Variants in ARHGEF9 observed in about 807,000 individuals in gnomAD.
ARHGEF9 encodes the protein rho guanine nucleotide exchange factor 9.
Under a neutral mutation model 41.3 loss-of-function variants are expected in ARHGEF9, and 2 were observed. The observed-to-expected ratio is 0.05, with a 90% CI of 0.02 to 0.15. The LOEUF (loss-of-function observed/expected upper bound fraction) is 0.15, where lower values mean the gene tolerates loss of function less well. Among genes scored for constraint, ARHGEF9 ranks in the 10% least tolerant of loss-of-function variants. The pLI is 1.00. For missense variants in ARHGEF9, 225 were observed against 424.7 expected (o/e 0.53, Z 4.13); for synonymous variants, 160 against 154.4 (o/e 1.04, Z -0.27).
At chrX:63,649,039 C>T (rs1569432262) in intron 8 of ARHGEF9, among the ~76,000 whole-genome samples, 1 of 111,092 alleles carries the variant, frequency 9.0e-6, no homozygotes, top group Non-Finnish European at 1.9e-5. Flanking sequence ...TTAGACAGAT[C>T]AACGAGACAA....
chrX:63,651,970 T>C (rs1195815425), intron 8 of ARHGEF9, among the ~76,000 whole-genome samples: 12 of 110,861 alleles, frequency 1.1e-4, no homozygotes, highest in African/African-American at 3.9e-4. Flanking sequence ...CTGAAACAAA[T>C]AGATACTATC....
At chrX:63,672,566 A>G (rs1210213686) in intron 6 of ARHGEF9, among the ~76,000 whole-genome samples, 1 of 110,958 alleles carries the variant, frequency 9.0e-6, no homozygotes, top group Non-Finnish European at 1.9e-5. Flanking sequence ...AAGCTCCCTG[A>G]GTAGGCCAGG....
chrX:63,661,733 G>C (rs1329264626), intron 7 of ARHGEF9, among the ~76,000 whole-genome samples: 7 of 110,323 alleles, frequency 6.3e-5, no homozygotes, highest in Non-Finnish European at 1.3e-4. Context: ...CTTCACACAT[G>C]CCCACGTACT....
chrX:63,655,226 T>C (rs1387318376), intron 8 of ARHGEF9, among the ~76,000 whole-genome samples: 2 of 112,065 alleles, frequency 1.8e-5, no homozygotes, highest in Non-Finnish European at 1.9e-5. Context: ...TGCTAATAAA[T>C]GTATGTTTGG....
chrX:63,763,910 T>G (rs1569505957), intron 1 of ARHGEF9, among the ~76,000 whole-genome samples: 1 of 111,776 alleles, frequency 8.9e-6, no homozygotes, highest in African/African-American at 3.3e-5. Context: ...TCTCTGAGCC[T>G]CAGTTTCCTC....
At chrX:63,685,598 G>T (rs1306044549) in intron 4 of ARHGEF9, among the ~76,000 whole-genome samples, 3 of 112,065 alleles carry the variant, frequency 2.7e-5, no homozygotes, top group Non-Finnish European at 5.7e-5. Context: ...AAGAAAGTGG[G>T]TTACTATTAC....
At position 63,635,389 on chromosome X, in the gene ARHGEF9, C is replaced by A. The variant is rs2047268660; in HGVS notation, c.*2639G>T. ...TTTTGGAGAGCAAATCCTGGCCTCA[C>A]TGAGTTGAGGAAAAGGGAGCTCAGG... On this transcript the variant is annotated 3_prime_UTR_variant, in exon 10 of 10. Transcript: ENST00000671741. 1.9e-6 allele frequency: 1 copy of A among 520,361 alleles called. No individual in the cohort carries two copies. The highest frequency in any genetic ancestry group is 2.7e-5 in the Admixed American group (1 of 36,628). The allele number at this position is 520,361 out of a possible 1,213,427, so 42.9% of individuals were successfully genotyped here. A position where few individuals can be genotyped will look rare whatever the true frequency, so the allele number is the denominator to read the frequency against.
chrX:63,762,894 G>T (rs1489497521), intron 1 of ARHGEF9, among the ~76,000 whole-genome samples: 3 of 111,794 alleles, frequency 2.7e-5, no homozygotes, highest in African/African-American at 9.8e-5. Context: ...TGAGAATGAA[G>T]ATCTTTGTGG....
At chrX:63,673,431 C>T (rs1556357898) in intron 6 of ARHGEF9, among the ~76,000 whole-genome samples, 1 of 111,091 alleles carries the variant, frequency 9.0e-6, no homozygotes, top group African/African-American at 3.3e-5. Context: ...TTTTGGTGGG[C>T]ATCTAGGAAG....
chrX:63,653,522 G>T (rs1443162756), intron 8 of ARHGEF9, among the ~76,000 whole-genome samples: 1 of 111,503 alleles, frequency 9.0e-6, no homozygotes, highest in African/African-American at 3.3e-5. Context: ...GTTATAGTTA[G>T]ATTCTATATT....
intron 4 of ARHGEF9, among the ~76,000 whole-genome samples, chrX:63,684,998 T>C (rs2050894714): frequency 9.1e-6 from 1 of 109,766 alleles, no homozygotes; most frequent in African/African-American, 3.3e-5. Flanking sequence ...TGGGAAGATA[T>C]AAGTCAAAGG....
At chrX:63,666,084 C>A in intron 6 of ARHGEF9, 67 bp from the exon 7 acceptor site, 1 of 1,189,245 alleles carries the variant, frequency 8.4e-7, no homozygotes, top group East Asian at 3.0e-5. Context: ...TGCCTGGAGG[C>A]ACCCAAGGCT....
rs782769873 is a variant in ARHGEF9, at chrX:63,770,062, G to A, written c.30+15054C>T. Among the ~76,000 whole-genome samples the A allele has an allele frequency of 1.2e-3, 129 of 111,887 alleles. 1 individual carries two copies. The Admixed American group carries it at 0.012, about 10-fold the overall frequency. ...CAGCTTGCATCTTGTGCCTAAAAAA[G>A]CTGCAAACACTCAATGCCAACCCGT... On this transcript the variant is annotated intron_variant, in intron 1 of 9. Transcript: ENST00000671741.
chrX:63,724,809 T>A, intron 1 of ARHGEF9, 98 bp from the exon 2 acceptor site: 1 of 878,004 alleles, frequency 1.1e-6, no homozygotes, highest in Non-Finnish European at 1.7e-6. Flanking sequence ...GAAACTCATA[T>A]ACTCAAGTGG....
chrX:63,781,074 T>C (rs375034319), intron 1 of ARHGEF9, among the ~76,000 whole-genome samples: 19 of 112,119 alleles, frequency 1.7e-4, no homozygotes, highest in Admixed American at 1.4e-3. Flanking sequence ...ACAATGAAAA[T>C]TGAAAGGTGT....
At chrX:63,746,198 T>C (rs1412091887) in intron 1 of ARHGEF9, among the ~76,000 whole-genome samples, 1 of 111,500 alleles carries the variant, frequency 9.0e-6, no homozygotes, top group Non-Finnish European at 1.9e-5. Context: ...ATGTACAACT[T>C]TCCTTCTTCT....
intron 1 of ARHGEF9, chrX:63,766,793 G>A (rs1467783291): frequency 8.4e-6 from 2 of 238,065 alleles, no homozygotes; most frequent in East Asian, 9.6e-5. Context: ...CTGCATGTGC[G>A]TGCCTAACCT....
chrX:63,666,157 C>G, intron 6 of ARHGEF9, 140 bp from the exon 7 acceptor site: 2 of 789,723 alleles, frequency 2.5e-6, no homozygotes, highest in South Asian at 4.7e-5. Context: ...GAGAGAGGGA[C>G]TCCTGGGACT....
At chrX:63,651,847 A>G (rs2048562030) in intron 8 of ARHGEF9, among the ~76,000 whole-genome samples, 1 of 110,512 alleles carries the variant, frequency 9.0e-6, no homozygotes. Context: ...ATGTTAAAAG[A>G]ATGAGTAAAG....
Sources: gnomAD v4.1 joint callset for allele counts (sites outside exome capture counted in the v4.1 genomes callset) on GRCh38, gnomAD v4.1.1 for gene constraint, MANE v1.5 for transcripts, NCBI Gene and HGNC (gene_info 2026-07-23, HGNC 2026-07-21) for gene names.